LHX4: variants seen among roughly 807,000 people sequenced by gnomAD.
LHX4 encodes LIM/homeobox protein Lhx4.
Under a neutral mutation model 39.2 loss-of-function variants are expected in LHX4, and 16 were observed. The observed-to-expected ratio is 0.41, with a 90% confidence interval of 0.28 to 0.62. LHX4 has a LOEUF of 0.62. Among genes scored for constraint, LHX4 ranks in the 20% least tolerant of loss-of-function variants. The probability of loss-of-function intolerance (pLI) is 0.33; values close to 1 mark genes in which losing one functional copy is unlikely to be tolerated. For missense variants in LHX4, 439 were observed against 511.9 expected, an observed-to-expected ratio of 0.86 and a Z score of 1.37; for synonymous variants, 206 against 198.1, an observed-to-expected ratio of 1.04 and a Z score of -0.33.
At position 180,234,522 on chromosome 1, in the gene LHX4, G is replaced by A. The variant is rs572610369; in HGVS notation, c.76+3917G>A. ...AGCGGATGGCTGAGGACTCCCAAGGGGCGAGAGGGCTCCGGCCTCCTCCTT... is the reference window on the plus strand; with the variant it reads ...AGCGGATGGCTGAGGACTCCCAAGGAGCGAGAGGGCTCCGGCCTCCTCCTT... On this transcript the variant is annotated intron_variant, in intron 1 of 5. Transcript: ENST00000263726. This position sits in a 1 kb window ranked among gnomAD's most constrained non-coding sequence, Gnocchi z 4.8. 2.0e-5 allele frequency among the ~76,000 whole-genome samples: 3 copies of A among 152,174 alleles called. No individual in the cohort carries two copies. The South Asian group carries it at 6.2e-4, about 31-fold the overall frequency.
rs530865817 is a variant in LHX4, at chr1:180,251,528, CCTAT to C, written c.248+3075_248+3078del. On this transcript the variant is annotated intron_variant, in intron 2 of 5. Coordinates refer to ENST00000263726, the MANE Select transcript of LHX4 (RefSeq NM_033343.4). ...CTTCCTTGTTGGCTTGAGGAAAAGG[CCTAT>C]CTGTTACTCATTTTTCTGTCCCCTG... 2.7e-3 allele frequency among the ~76,000 whole-genome samples: 418 copies of C among 152,330 alleles called. 3 individuals are homozygous for C. The highest frequency in any genetic ancestry group is 9.5e-3 in the African/African-American group (393 of 41,572).
chr1:180,245,420 G>A (rs1647348130), intron 1 of LHX4, among the ~76,000 whole-genome samples: 1 of 152,204 alleles, frequency 6.6e-6, no homozygotes, highest in African/African-American at 2.4e-5. Flanking sequence ...ATGGCCCCTG[G>A]AGGGAGACCA....
chr1:180,229,955 GAGGCGGGGA>G (rs1156895670), upstream of LHX4, among the ~76,000 whole-genome samples: 4 of 87,062 alleles, frequency 4.6e-5, no homozygotes, highest in East Asian at 3.7e-4. Flanking sequence ...GGCGGAGGCG[GAGGCGGGGA>G]GGGGGGGGGG....
rs538657500 is a variant in LHX4 at position 180,276,915 on chromosome 1, C to T, written c.*2336C>T. The T allele has an allele frequency of 6.6e-6, 1 of 152,220 alleles. No individual in the cohort carries two copies. The highest frequency in any genetic ancestry group is 2.1e-4 in the South Asian group (1 of 4,826). The allele number at this position is 152,220 out of a possible 1,614,324, so 9.4% of individuals were successfully genotyped here. A position where few individuals can be genotyped will look rare whatever the true frequency, so the allele number is the denominator to read the frequency against. On this transcript the variant is annotated 3_prime_UTR_variant, in exon 6 of 6. Transcript: ENST00000263726. ...GACCAGTTTTTGTAAGTTAATCATA[C>T]TAATTCCCAGTTCAATAGTGGAAGG...
intron 3 of LHX4, among the ~76,000 whole-genome samples, chr1:180,269,150 G>A (rs76539441): frequency 2.1e-5 from 3 of 144,148 alleles, no homozygotes; most frequent in Non-Finnish European, 4.6e-5. Flanking sequence ...TGGGGGGGGG[G>A]GTGGTATATT....
chr1:180,266,475 A>C lies in LHX4; in HGVS notation c.332A>C (p.His111Pro). The C allele has an allele frequency of 6.2e-7, 1 of 1,614,098 alleles. No homozygotes were observed. The highest frequency in any genetic ancestry group is 8.5e-7 in the Non-Finnish European group (1 of 1,180,006). Residue 111 changes from histidine to proline, a missense_variant, in exon 3 of 6, where the codon CAC (histidine) becomes CCC (proline). By Grantham distance (77) the His-to-Pro change is moderately conservative (BLOSUM62 -2). Coordinates refer to ENST00000263726, the MANE Select transcript of LHX4 (RefSeq NM_033343.4). This position sits in a 1 kb window ranked among gnomAD's most constrained non-coding sequence, Gnocchi z 5.7. ...CGCAAGGCCCAGGACTTTGTCTACC[A>C]CCTGCACTGCTTTGCTTGCATCATC... ...VVRKAQDFVYHLHCFACIICN... is the reference protein window; with the variant it reads ...VVRKAQDFVYPLHCFACIICN...
chr1:180,253,705 A>C (rs12072920), intron 2 of LHX4, among the ~76,000 whole-genome samples: 9,532 of 152,216 alleles, frequency 0.063, 1,040 homozygotes, highest in African/African-American at 0.22. Flanking sequence ...ACCCGGGTCC[A>C]GCAGAATGCT....
In LHX4 at chr1:180,234,502, A is replaced by G. The variant is rs977595685; in HGVS notation, c.76+3897A>G. On this transcript the variant is annotated intron_variant, in intron 1 of 5. Coordinates refer to ENST00000263726, the MANE Select transcript of LHX4 (RefSeq NM_033343.4). This position sits in a 1 kb window ranked among gnomAD's most constrained non-coding sequence, Gnocchi z 4.8. ...GGCAGCGCCCCGCTTGGGACAGCGG[A>G]TGGCTGAGGACTCCCAAGGGGCGAG... is the stretch of plus-strand genomic sequence containing the variant. Among the ~76,000 whole-genome samples the G allele has an allele frequency of 6.6e-6, 1 of 152,106 alleles. No homozygotes were observed. Among genetic ancestry groups the G allele is most frequent in the African/African-American group, 2.4e-5 (1 of 41,446 alleles).
rs115424939 is a variant in LHX4, at chr1:180,232,831, G to C, written c.76+2226G>C. ...GGACTGGGCCCAGTGGCCTAAGAAGGGGGGAAGCTCGAGGGGTTGTGGGGC... is the reference window on the plus strand; with the variant it reads ...GGACTGGGCCCAGTGGCCTAAGAAGCGGGGAAGCTCGAGGGGTTGTGGGGC... On this transcript the variant is annotated intron_variant, in intron 1 of 5. Coordinates refer to ENST00000263726, the MANE Select transcript of LHX4 (RefSeq NM_033343.4). This position sits in a 1 kb window ranked among gnomAD's most constrained non-coding sequence, Gnocchi z 5.4. Among the ~76,000 whole-genome samples, 6 of 152,230 alleles carry C rather than the reference G, an allele frequency of 3.9e-5. No individual in the cohort carries two copies. Among genetic ancestry groups the C allele is most frequent in the Non-Finnish European group, 5.9e-5 (4 of 68,044 alleles).
chr1:180,259,087 C>T (rs564705284), intron 2 of LHX4, among the ~76,000 whole-genome samples: 1 of 151,982 alleles, frequency 6.6e-6, no homozygotes, highest in African/African-American at 2.4e-5. Flanking sequence ...AGGTGAGATC[C>T]CCAGGGGAGC....
In LHX4 at chr1:180,271,918, C is replaced by A; in HGVS notation, c.690C>A (p.Ser230Arg). Residue 230 changes from serine to arginine, a missense_variant, in exon 5 of 6, where the codon AGC becomes AGA. Physicochemically the swap from Ser to Arg is moderately radical, Grantham distance 110 (BLOSUM62 -1). Coordinates refer to ENST00000263726, the MANE Select transcript of LHX4 (RefSeq NM_033343.4). ...GRHRWGQFYK[S>R]VKRSRGSSKQ... ...ACCGCTGGGGGCAGTTCTATAAGAG[C>A]GTCAAGAGGAGCCGGGGCAGCAGCA... The A allele has an allele frequency of 1.2e-6, 2 of 1,613,352 alleles. No individual in the cohort carries two copies. Among genetic ancestry groups the A allele is most frequent in the Non-Finnish European group, 1.7e-6 (2 of 1,179,886 alleles).
chr1:180,259,291 A>G (rs1190689652), intron 2 of LHX4, among the ~76,000 whole-genome samples: 1 of 152,162 alleles, frequency 6.6e-6, no homozygotes, highest in African/African-American at 2.4e-5. Flanking sequence ...GGAAGTGGGC[A>G]GTATAGAAGG....
Position 180,231,595 on chromosome 1 carries a change from T to G in LHX4, c.76+990T>G, listed in dbSNP as rs1571251743. On this transcript the variant is annotated intron_variant, in intron 1 of 5. Transcript: ENST00000263726. ...GCGCGCGCGACAAGCGCCGGGAGAG[T>G]CCTGCCCCTGTGGCTTGCACGCTCA... is the stretch of plus-strand genomic sequence containing the variant. 5.9e-5 allele frequency among the ~76,000 whole-genome samples: 8 copies of G among 135,010 alleles called. No homozygotes were observed. The South Asian group carries it at 1.4e-3, about 24-fold the overall frequency. 88.6% of individuals were successfully genotyped at this position (135,010 alleles called of 152,430 possible). A position where few individuals can be genotyped will look rare whatever the true frequency, so the allele number is the denominator to read the frequency against.
Position 180,247,523 on chromosome 1 carries a change from C to T in LHX4, c.77-762C>T, listed in dbSNP as rs190169897. Reference sequence around the variant, plus strand: ...ACCAGCACAATGGGAGCCTGCCCCTCAGCTATCCTGACATTTAGCTCAGTT... The same window carrying T: ...ACCAGCACAATGGGAGCCTGCCCCTTAGCTATCCTGACATTTAGCTCAGTT... On this transcript the variant is annotated intron_variant, in intron 1 of 5. Coordinates refer to ENST00000263726, the MANE Select transcript of LHX4 (RefSeq NM_033343.4). 3.9e-5 allele frequency among the ~76,000 whole-genome samples: 6 copies of T among 152,338 alleles called. No individual in the cohort carries two copies. The East Asian group carries it at 1.2e-3, about 29-fold the overall frequency.
chr1:180,240,544 C>T (rs978105293), intron 1 of LHX4, among the ~76,000 whole-genome samples: 4 of 152,066 alleles, frequency 2.6e-5, no homozygotes, highest in Admixed American at 2.0e-4. Context: ...TCTTCCGTGA[C>T]GAAAGGGATA....
chr1:180,244,228 C>G (rs926585028), intron 1 of LHX4, among the ~76,000 whole-genome samples: 8 of 152,082 alleles, frequency 5.3e-5, no homozygotes, highest in East Asian at 1.9e-4. Context: ...TTTGTTTAAT[C>G]CCCCCGTCAA....
chr1:180,256,421 G>A (rs1647857701), intron 2 of LHX4, among the ~76,000 whole-genome samples: 2 of 152,180 alleles, frequency 1.3e-5, no homozygotes, highest in Admixed American at 1.3e-4. Context: ...GAGAAGCCAC[G>A]AGCTTCTCCA....
chr1:180,234,781 G>GA lies in LHX4; in HGVS notation c.76+4176_76+4177insA, dbSNP rs1259501299. The stretch of plus-strand genomic sequence containing the variant: ...CAAGTTTATTTCCTCTCTTGGCCGA[G>GA]GTCCGGGCTCGTGGAAAACCAGAGC... On this transcript the variant is annotated intron_variant, in intron 1 of 5. Coordinates refer to ENST00000263726, the MANE Select transcript of LHX4 (RefSeq NM_033343.4). The surrounding 1 kb of genome is among the most constrained non-coding windows in gnomAD (Gnocchi z 4.8). Among the ~76,000 whole-genome samples, 1 of 152,242 alleles carries GA rather than the reference G, an allele frequency of 6.6e-6. No homozygotes were observed. The highest frequency in any genetic ancestry group is 1.5e-5 in the Non-Finnish European group (1 of 68,034).
chr1:180,262,720 G>T (rs944093431), intron 2 of LHX4, among the ~76,000 whole-genome samples: 2 of 151,114 alleles, frequency 1.3e-5, no homozygotes, highest in Non-Finnish European at 2.9e-5. Flanking sequence ...CTGCCATTAT[G>T]GAGAGCCAAG....
Sources: gnomAD v4.1 joint callset for allele counts (sites outside exome capture counted in the v4.1 genomes callset) on GRCh38, gnomAD v4.1.1 for gene constraint, Gnocchi (gnomAD v3.1) non-coding constraint, MANE v1.5 for transcripts, NCBI Gene and HGNC (gene_info 2026-07-23, HGNC 2026-07-21) for gene names.